The following RGS17 variants were observed in gnomAD, a reference collection of about 807,000 sequenced individuals.
RGS17 encodes regulator of G protein signaling 17.
Under a neutral mutation model 25.5 loss-of-function variants are expected in RGS17, and 12 were observed. That is an observed-to-expected ratio of 0.47 (90% CI 0.30 to 0.76). RGS17 has a LOEUF of 0.76. Ranked by LOEUF, RGS17 falls within the 30% of genes least tolerant of loss-of-function variation. The probability of loss-of-function intolerance (pLI) is 0.07; values close to 1 mark genes in which losing one functional copy is unlikely to be tolerated. For missense variants in RGS17, 196 were observed against 242.2 expected, an observed-to-expected ratio of 0.81 and a Z score of 1.27; for synonymous variants, 71 against 76.9, an observed-to-expected ratio of 0.92 and a Z score of 0.40.
At chr6:153,015,006 TGAG>T (rs1285445960) in intron 4 of RGS17, among the ~76,000 whole-genome samples, 1 of 152,178 alleles carries the variant, frequency 6.6e-6, no homozygotes, top group African/African-American at 2.4e-5. Flanking sequence ...TGGATGATTT[TGAG>T]GAGTTCAAGA....
chr6:153,023,391 C>T (rs746943506), intron 4 of RGS17: 11 of 510,186 alleles, frequency 2.2e-5, no homozygotes, highest in Non-Finnish European at 4.3e-5. Context: ...TTCTAGGAAC[C>T]TCTATGTTCT....
At chr6:153,072,073 G>A (rs1284676388) in intron 1 of RGS17, among the ~76,000 whole-genome samples, 1 of 152,062 alleles carries the variant, frequency 6.6e-6, no homozygotes, top group African/African-American at 2.4e-5. Flanking sequence ...TTGAGGCTAA[G>A]AATCCTATCA....
At chr6:153,094,271 G>A (rs1355232997) in intron 1 of RGS17, among the ~76,000 whole-genome samples, 1 of 151,862 alleles carries the variant, frequency 6.6e-6, no homozygotes, top group African/African-American at 2.4e-5. Context: ...CAGAGATGGG[G>A]TTTTGCTATG....
Position 153,024,576 on chromosome 6 carries a change from T to C in RGS17, c.210-80A>G, listed in dbSNP as rs139633005. 1,809 of 1,043,422 alleles carry C rather than the reference T, an allele frequency of 1.7e-3. 18 individuals are homozygous for C. In the African/African-American group the frequency reaches 0.024, roughly 14 times the overall value. The allele number at this position is 1,043,422 out of a possible 1,614,324, so 64.6% of individuals were successfully genotyped here. On this transcript the variant is annotated intron_variant, in intron 3 of 4. Coordinates refer to ENST00000206262, the MANE Select transcript of RGS17 (RefSeq NM_012419.5). ...TAGACCAGGTAAGGAGAGGAGCAGA[T>C]AGAAATTCTATCAATTTGCTGCCAT...
intron 1 of RGS17, among the ~76,000 whole-genome samples, chr6:153,058,045 C>T (rs374019105): frequency 6.6e-6 from 1 of 152,170 alleles, no homozygotes; most frequent in South Asian, 2.1e-4. Context: ...ATCCTTGTTT[C>T]CTCATTGGCA....
At chr6:153,066,158 C>T (rs1776705013) in intron 1 of RGS17, among the ~76,000 whole-genome samples, 1 of 152,112 alleles carries the variant, frequency 6.6e-6, no homozygotes, top group Non-Finnish European at 1.5e-5. Context: ...TAACCGTGTA[C>T]TGATAAATTG....
At chr6:153,022,589 G>A (rs1779257405) in intron 4 of RGS17, among the ~76,000 whole-genome samples, 1 of 152,082 alleles carries the variant, frequency 6.6e-6, no homozygotes, top group Admixed American at 6.5e-5. Context: ...TACATACTTT[G>A]GGGGCAGAAA....
At chr6:153,044,075 A>C (rs549159459) in intron 1 of RGS17, 32 bp from the exon 2 acceptor site, 43 of 1,050,166 alleles carry the variant, frequency 4.1e-5, no homozygotes, top group Non-Finnish European at 5.9e-5. Flanking sequence ...ATTGGGTATG[A>C]AAAAAGCAAT....
rs917455371 is a variant in RGS17 at position 153,067,427 on chromosome 6, TA to T, written c.-25-23385del. Reference sequence around the variant, plus strand: ...TTTGGAAAAACCTAAAGATTCCACTTAAAAAAAAATTAGAACTGATAAATTC... The same window carrying T: ...TTTGGAAAAACCTAAAGATTCCACTTAAAAAAAATTAGAACTGATAAATTC... On this transcript the variant is annotated intron_variant, in intron 1 of 4. Transcript: ENST00000206262. 1.3e-3 allele frequency among the ~76,000 whole-genome samples: 202 copies of T among 151,416 alleles called. 1 individual carries two copies. The highest frequency in any genetic ancestry group is 3.9e-3 in the African/African-American group (162 of 41,340).
chr6:153,106,326 G>A (rs188931032), intron 1 of RGS17, among the ~76,000 whole-genome samples: 1 of 151,952 alleles, frequency 6.6e-6, no homozygotes, highest in East Asian at 2.0e-4. Flanking sequence ...AGGATGGTTG[G>A]GACTTAGAAA....
intron 4 of RGS17, among the ~76,000 whole-genome samples, chr6:153,021,454 C>A (rs941611534): frequency 6.6e-6 from 1 of 152,184 alleles, no homozygotes; most frequent in Non-Finnish European, 1.5e-5. Flanking sequence ...GCATGCCATG[C>A]GCTGAGTATA....
intron 1 of RGS17, among the ~76,000 whole-genome samples, chr6:153,092,989 G>A (rs933013266): frequency 2.6e-5 from 4 of 152,114 alleles, no homozygotes; most frequent in African/African-American, 9.7e-5. Context: ...AGGGGAGAGA[G>A]TCCTAACAAA....
intron 1 of RGS17, among the ~76,000 whole-genome samples, chr6:153,059,128 C>T (rs1180240882): frequency 6.6e-6 from 1 of 152,016 alleles, no homozygotes; most frequent in Admixed American, 6.6e-5. Context: ...CAGCAATTCT[C>T]TCTTCATGTT....
intron 1 of RGS17, among the ~76,000 whole-genome samples, chr6:153,093,365 T>C (rs1297899321): frequency 6.6e-6 from 1 of 152,210 alleles, no homozygotes; most frequent in African/African-American, 2.4e-5. Flanking sequence ...CAAGGATGAC[T>C]TCTCACTGGT....
In RGS17 at chr6:153,089,980, T is replaced by C. The variant is rs1392622491; in HGVS notation, c.-26+41144A>G. Among the ~76,000 whole-genome samples, 7 of 152,278 alleles carry C rather than the reference T, an allele frequency of 4.6e-5. No homozygotes were observed. The East Asian group carries it at 1.2e-3, about 25-fold the overall frequency. ...CATAATCATTAGCAGACAACTCCCT[T>C]GGCAGCAGCATCTTACTCTTGATTA... On this transcript the variant is annotated intron_variant, in intron 1 of 4. Coordinates refer to ENST00000206262, the MANE Select transcript of RGS17 (RefSeq NM_012419.5).
At chr6:153,033,915 C>T (rs1188514093) in intron 2 of RGS17, among the ~76,000 whole-genome samples, 3 of 152,042 alleles carry the variant, frequency 2.0e-5, no homozygotes, top group African/African-American at 7.2e-5. Context: ...TGTGAAAAGG[C>T]CAAATGGACT....
At chr6:153,066,690 A>G (rs1776712152) in intron 1 of RGS17, among the ~76,000 whole-genome samples, 2 of 152,198 alleles carry the variant, frequency 1.3e-5, no homozygotes, top group Non-Finnish European at 2.9e-5. Flanking sequence ...AATTAATTCA[A>G]TATATGCAAA....
At chr6:153,026,618 G>C in intron 2 of RGS17, 75 bp from the exon 3 acceptor site, 2 of 1,115,840 alleles carry the variant, frequency 1.8e-6, no homozygotes, top group South Asian at 2.7e-5. Context: ...TTTTTCTGGG[G>C]AAACATTTCA....
chr6:153,129,187 T>C (rs959481343), intron 1 of RGS17, among the ~76,000 whole-genome samples: 2 of 152,216 alleles, frequency 1.3e-5, no homozygotes, highest in African/African-American at 4.8e-5. Context: ...TCTCCTATGG[T>C]GGCTCTAAGT....
Sources: gnomAD v4.1 joint callset for allele counts (sites outside exome capture counted in the v4.1 genomes callset) on GRCh38, gnomAD v4.1.1 for gene constraint, MANE v1.5 for transcripts, NCBI Gene and HGNC (gene_info 2026-07-23, HGNC 2026-07-21) for gene names.